SPATA1: variants seen among roughly 807,000 people sequenced by gnomAD.
SPATA1 encodes the protein spermatogenesis associated 1, also known as spermatogenesis-associated protein 1.
Under a neutral mutation model 59.6 loss-of-function variants are expected in SPATA1, and 57 were observed. That is an observed-to-expected ratio of 0.96 (90% CI 0.77 to 1.19). The LOEUF (loss-of-function observed/expected upper bound fraction) is 1.19, where lower values mean the gene tolerates loss of function less well. Ranked by LOEUF, SPATA1 falls within the 50% of genes most tolerant of loss-of-function variation. The probability of loss-of-function intolerance (pLI) is 0.00; values close to 1 mark genes in which losing one functional copy is unlikely to be tolerated. For missense variants in SPATA1, 448 were observed against 480.7 expected, an observed-to-expected ratio of 0.93 and a Z score of 0.64; for synonymous variants, 147 against 163.9, an observed-to-expected ratio of 0.90 and a Z score of 0.79.
rs1288538754 is a variant in SPATA1 at position 84,563,927 on chromosome 1, AC to A, written n.443-1933del. On this transcript the variant is annotated intron_variant and non_coding_transcript_variant, in intron 4 of 4. Coordinates refer to the SPATA1 transcript ENST00000460286. ...AACCGTTCAGAATCTGTTTGTAAAA[AC>A]AAGTACATTTATAAAAAACACTAAT... is the stretch of plus-strand genomic sequence containing the variant. 5 of 1,362,726 alleles carry A rather than the reference AC, an allele frequency of 3.7e-6. No homozygotes were observed. In the African/African-American group the frequency reaches 7.4e-5, roughly 20 times the overall value. The allele number at this position is 1,362,726 out of a possible 1,614,324, so 84.4% of individuals were successfully genotyped here.
intron 8 of SPATA1, among the ~76,000 whole-genome samples, chr1:84,539,728 T>C (rs1166103994): frequency 6.6e-6 from 1 of 152,226 alleles, no homozygotes; most frequent in East Asian, 1.9e-4. Context: ...GCAAATATCT[T>C]CCTCTACTTT....
intron 1 of SPATA1, among the ~76,000 whole-genome samples, chr1:84,515,619 T>TTTCTTATATACA (rs1553217687): frequency 4.6e-5 from 7 of 152,124 alleles, no homozygotes; most frequent in Admixed American, 4.6e-4. Context: ...TTTTTTAGTT[T>TTTCTTATATACA]TTCTTATATA....
downstream of SPATA1, among the ~76,000 whole-genome samples, chr1:84,558,778 A>G (rs900674125): frequency 6.6e-6 from 1 of 151,926 alleles, no homozygotes; most frequent in African/African-American, 2.4e-5. Context: ...GCACACGCCT[A>G]TGGTCCTAGC....
At chr1:84,506,897 G>A (rs1682281371) in intron 1 of SPATA1, 1 of 152,256 alleles carries the variant, frequency 6.6e-6, no homozygotes, top group Admixed American at 6.5e-5. Context: ...AGAAGCCAAG[G>A]TGCTGGCTGA....
chr1:84,525,937 T>C, exon 6 of SPATA1: 1 of 1,613,676 alleles, frequency 6.2e-7, no homozygotes, highest in East Asian at 2.2e-5. Context: ...AGCGGCAGAC[T>C]AATAATGGTG....
chr1:84,565,415 A>G (rs888514377), intron 4 of SPATA1, among the ~76,000 whole-genome samples: 1 of 152,204 alleles, frequency 6.6e-6, no homozygotes, highest in Non-Finnish European at 1.5e-5. Context: ...TCATGCAATG[A>G]AGGTGCCCAA....
intron 6 of SPATA1, among the ~76,000 whole-genome samples, chr1:84,529,777 C>T (rs1223561631): frequency 1.3e-5 from 2 of 151,568 alleles, no homozygotes; most frequent in Non-Finnish European, 2.9e-5. Context: ...GACTCCTGAC[C>T]TCAGGTGATC....
At chr1:84,507,170 G>A (rs943644775) in intron 1 of SPATA1, 1 of 152,150 alleles carries the variant, frequency 6.6e-6, no homozygotes, top group Non-Finnish European at 1.5e-5. Flanking sequence ...ACTAAGGGCA[G>A]ATGTTTCCTA....
intron 12 of SPATA1, chr1:84,552,921 C>T (rs1483123163): frequency 6.0e-6 from 4 of 665,414 alleles, no homozygotes; most frequent in African/African-American, 1.9e-5. Flanking sequence ...GCACTGAAGC[C>T]AAATGAGAGA....
downstream of SPATA1, among the ~76,000 whole-genome samples, chr1:84,558,513 G>T (rs544934461): frequency 6.7e-6 from 1 of 150,308 alleles, no homozygotes; most frequent in African/African-American, 2.4e-5. Flanking sequence ...GGATGGTCTC[G>T]ATCTCCTGAC....
intron 2 of SPATA1, among the ~76,000 whole-genome samples, 194 bp downstream of exon 2, chr1:84,516,589 G>T (rs1353710072): frequency 6.6e-6 from 1 of 151,956 alleles, no homozygotes; most frequent in East Asian, 1.9e-4. Flanking sequence ...CAAGCATATT[G>T]GGATCCCCAA....
At chr1:84,536,992 G>C (rs1570434499) in intron 8 of SPATA1, among the ~76,000 whole-genome samples, 1 of 149,872 alleles carries the variant, frequency 6.7e-6, no homozygotes, top group South Asian at 2.1e-4. Context: ...CGATTCTCCT[G>C]CCTCAGCCTT....
chr1:84,555,546 G>A (rs372285634), downstream of SPATA1, among the ~76,000 whole-genome samples: 53 of 152,296 alleles, frequency 3.5e-4, no homozygotes, highest in South Asian at 8.9e-3. Context: ...AGGAACATCT[G>A]TACTTTCTAG....
intron 1 of SPATA1, among the ~76,000 whole-genome samples, chr1:84,511,655 CTTT>C (rs771793030): frequency 2.5e-5 from 2 of 81,134 alleles, no homozygotes; most frequent in African/African-American, 9.1e-5. Context: ...GCATTTCAGG[CTTT>C]TTTTTTTTTT....
intron 1 of SPATA1, among the ~76,000 whole-genome samples, chr1:84,515,243 A>C (rs1372251367): frequency 6.6e-6 from 1 of 152,198 alleles, no homozygotes; most frequent in Non-Finnish European, 1.5e-5. Flanking sequence ...TTAAAGTACT[A>C]ATGTGTACTT....
intron 1 of SPATA1, among the ~76,000 whole-genome samples, chr1:84,511,032 G>C (rs1268932620): frequency 6.6e-6 from 1 of 152,044 alleles, no homozygotes; most frequent in Non-Finnish European, 1.5e-5. Context: ...TGGGGACTGG[G>C]GATGGTTAAT....
downstream of SPATA1, among the ~76,000 whole-genome samples, chr1:84,558,334 G>T (rs1259456131): frequency 6.6e-6 from 1 of 150,574 alleles, no homozygotes; most frequent in Non-Finnish European, 1.5e-5. Flanking sequence ...CTGTCGCCCA[G>T]GCTGGAGTGC....
intron 8 of SPATA1, among the ~76,000 whole-genome samples, 175 bp downstream of exon 8, chr1:84,533,941 C>T (rs903222022): frequency 6.6e-6 from 1 of 152,074 alleles, no homozygotes; most frequent in Non-Finnish European, 1.5e-5. Flanking sequence ...TAACAATATG[C>T]CCAAATGAGA....
chr1:84,554,894 A>T, downstream of SPATA1: 4 of 798,670 alleles, frequency 5.0e-6, no homozygotes, highest in Non-Finnish European at 3.9e-6. Flanking sequence ...CTTTTTTTTT[A>T]GTATACGGAT....
Sources: gnomAD v4.1 joint callset for allele counts (sites outside exome capture counted in the v4.1 genomes callset) on GRCh38, gnomAD v4.1.1 for gene constraint, MANE v1.5 for transcripts, NCBI Gene and HGNC (gene_info 2026-07-23, HGNC 2026-07-21) for gene names.